WDFY4: variants seen among roughly 807,000 people sequenced by gnomAD.
The protein encoded by WDFY4 is WD repeat- and FYVE domain-containing protein 4.
WDFY4 carries 169 observed loss-of-function variants against 351.9 expected under a neutral mutation model. The observed-to-expected ratio is 0.48, with a 90% confidence interval of 0.42 to 0.55. The LOEUF is 0.55. WDFY4 is among the 20% of genes least tolerant of loss of function. The probability of loss-of-function intolerance (pLI) is 0.00; values close to 1 mark genes in which losing one functional copy is unlikely to be tolerated. For missense variants in WDFY4, 3,803 were observed against 3,935.6 expected (o/e 0.97, Z 0.90); for synonymous variants, 1,622 against 1,574.6 (o/e 1.03, Z -0.71).
At chr10:48,715,671 G>A (rs1247367427) in intron 2 of WDFY4, among the ~76,000 whole-genome samples, 1 of 152,076 alleles carries the variant, frequency 6.6e-6, no homozygotes, top group South Asian at 2.1e-4. Flanking sequence ...CTGTCTCCCA[G>A]GTGGAGTGCA....
At chr10:48,925,785 T>C (rs1374069011) in intron 47 of WDFY4, among the ~76,000 whole-genome samples, 3 of 152,120 alleles carry the variant, frequency 2.0e-5, no homozygotes, top group African/African-American at 7.2e-5. Context: ...ATTTCTGACA[T>C]CAATTTTGGA....
chr10:48,946,205 G>A, intron 50 of WDFY4, 48 bp downstream of exon 50: 1 of 1,378,252 alleles, frequency 7.3e-7, no homozygotes, highest in Non-Finnish European at 1.0e-6. Flanking sequence ...TCATCGGGAT[G>A]CCCTAAAATG....
At chr10:48,948,418 C>T (rs2137921) in intron 51 of WDFY4, among the ~76,000 whole-genome samples, 137,271 of 152,196 alleles carry the variant, frequency 0.9, 63,585 homozygotes, top group Non-Finnish European at 1. Flanking sequence ...TGATGGATTC[C>T]GCCACTGGTT....
rs529502832 is a variant in WDFY4, at chr10:48,758,462, C to T, written c.2460-1885C>T. On this transcript the variant is annotated intron_variant, in intron 12 of 61. Transcript: ENST00000325239. ...TCTTTAAGGTTATGTATTTCACCAGCTTTGAAGAAAGAAGTACTAAAAACT... is the reference window on the plus strand; with the variant it reads ...TCTTTAAGGTTATGTATTTCACCAGTTTTGAAGAAAGAAGTACTAAAAACT... Among the ~76,000 whole-genome samples, 82 of 152,268 alleles carry T rather than the reference C, an allele frequency of 5.4e-4. 1 individual carries two copies. The highest frequency in any genetic ancestry group is 1.9e-3 in the African/African-American group (77 of 41,568).
At chr10:48,744,722 C>A (rs1476564330) in intron 12 of WDFY4, among the ~76,000 whole-genome samples, 4 of 152,182 alleles carry the variant, frequency 2.6e-5, no homozygotes, top group African/African-American at 7.2e-5. Flanking sequence ...CCGATGTTTT[C>A]TTGTGAGAAA....
Position 48,723,495 on chromosome 10 carries a change from C to T in WDFY4, c.519C>T (p.Leu173=), listed in dbSNP as rs189437309. Residue 173 remains leucine (L), a synonymous_variant, in exon 5 of 62, where the codon CTC becomes CTT. Transcript: ENST00000325239. The part of the protein sequence containing the change: ...LPALLLQCLY[L]FFVFPLDKDE... ...CCCTGCTCCTACAGTGCCTTTACCT[C>T]TTCTTTGTCTTTCCTCTGGACAAAG... 2.4e-4 allele frequency: 372 copies of T among 1,551,462 alleles called. 2 individuals are homozygous for T. The East Asian group carries it at 5.5e-3, about 23-fold the overall frequency.
chr10:48,949,833 C>T (rs1294479056), intron 51 of WDFY4, among the ~76,000 whole-genome samples: 1 of 152,140 alleles, frequency 6.6e-6, no homozygotes, highest in Non-Finnish European at 1.5e-5. Flanking sequence ...CCCAGGGCTG[C>T]GTGTCTGACT....
intron 47 of WDFY4, among the ~76,000 whole-genome samples, chr10:48,924,923 C>A (rs181767933): frequency 4.6e-5 from 7 of 152,300 alleles, no homozygotes; most frequent in African/African-American, 1.7e-4. Flanking sequence ...AAATAGCTTG[C>A]TAACACAATC....
At chr10:48,759,025 G>A (rs961097586) in intron 12 of WDFY4, among the ~76,000 whole-genome samples, 20 of 147,672 alleles carry the variant, frequency 1.4e-4, no homozygotes, top group African/African-American at 4.8e-4. Context: ...ATCTTATAGA[G>A]AATGTTAATG....
intron 39 of WDFY4, among the ~76,000 whole-genome samples, chr10:48,859,340 T>C (rs1244411531): frequency 1.3e-5 from 2 of 152,202 alleles, no homozygotes; most frequent in African/African-American, 4.8e-5. Context: ...CTAAATAAGA[T>C]GTTAGCTGTA....
intron 53 of WDFY4, 62 bp downstream of exon 53, chr10:48,959,875 C>A: frequency 1.4e-6 from 2 of 1,454,740 alleles, no homozygotes; most frequent in Non-Finnish European, 1.9e-6. Flanking sequence ...CAAGTTCCAC[C>A]GAGGCTTTCT....
intron 27 of WDFY4, 142 bp downstream of exon 27, chr10:48,806,237 T>C: frequency 1.4e-6 from 1 of 724,902 alleles, no homozygotes; most frequent in African/African-American, 1.8e-5. Flanking sequence ...CCGTGGCCTG[T>C]GAGGCTGTCA....
chr10:48,883,098 G>A (rs1467737931), intron 43 of WDFY4, among the ~76,000 whole-genome samples: 1 of 152,178 alleles, frequency 6.6e-6, no homozygotes, highest in Non-Finnish European at 1.5e-5. Context: ...GCTTGGAGTT[G>A]TGGCTCCTGG....
chr10:48,784,186 A>G (rs1356584407), intron 19 of WDFY4, among the ~76,000 whole-genome samples: 2 of 152,236 alleles, frequency 1.3e-5, no homozygotes, highest in East Asian at 3.8e-4. Context: ...TTAAGTCTTC[A>G]TCTATCTGGG....
intron 12 of WDFY4, among the ~76,000 whole-genome samples, chr10:48,759,060 T>C (rs1209732992): frequency 2.6e-5 from 4 of 152,058 alleles, no homozygotes; most frequent in African/African-American, 9.7e-5. Flanking sequence ...TATCTTAAGG[T>C]AGGGAACTAG....
In WDFY4 at chr10:48,864,378, A is replaced by T. The variant is rs369329233; in HGVS notation, c.6664-2887A>T. 2.7e-4 allele frequency among the ~76,000 whole-genome samples: 41 copies of T among 152,382 alleles called. No individual in the cohort carries two copies. The South Asian group carries it at 8.1e-3, about 30-fold the overall frequency. On this transcript the variant is annotated intron_variant, in intron 39 of 61. Transcript: ENST00000325239. ...TATAGTTTTGGCACCTTTGTAAAGA[A>T]TTAATTGAATATAGACAAATTGTTT...
intron 43 of WDFY4, among the ~76,000 whole-genome samples, chr10:48,890,344 G>C (rs377352443): frequency 6.6e-6 from 1 of 152,160 alleles, no homozygotes; most frequent in Non-Finnish European, 1.5e-5. Context: ...ACACATCTTG[G>C]TGGGAGCAGA....
chr10:48,916,663 C>G (rs1456347466), intron 47 of WDFY4, among the ~76,000 whole-genome samples: 1 of 152,158 alleles, frequency 6.6e-6, no homozygotes, highest in Non-Finnish European at 1.5e-5. Context: ...CCACAGAGTT[C>G]AGAGAGATTG....
intron 60 of WDFY4, 44 bp from the exon 61 acceptor site, chr10:48,981,299 TGCAGATGCACACTGTATGTGCGAA>T: frequency 7.4e-7 from 1 of 1,357,208 alleles, no homozygotes; most frequent in Non-Finnish European, 1.0e-6. Context: ...CGGCCCCGTG[TGCAGATGCACACTGTATGTGCGAA>T]GCCGATCTGG....
Sources: gnomAD v4.1 joint callset for allele counts (sites outside exome capture counted in the v4.1 genomes callset) on GRCh38, gnomAD v4.1.1 for gene constraint, MANE v1.5 for transcripts, NCBI Gene and HGNC (gene_info 2026-07-23, HGNC 2026-07-21) for gene names.